SNX24: variants seen among roughly 807,000 people sequenced by gnomAD.
SNX24 encodes sorting nexin 24.
SNX24 carries 22 observed loss-of-function variants against 28.7 expected under a neutral mutation model. That is an observed-to-expected ratio of 0.77 (90% CI 0.55 to 1.10). The LOEUF (loss-of-function observed/expected upper bound fraction) is 1.10. Among genes scored for constraint, SNX24 ranks in the 50% least tolerant of loss-of-function variants. The pLI, the probability that SNX24 is intolerant of heterozygous loss-of-function variation, is 0.00. For synonymous variants in SNX24, 69 were observed against 71.5 expected (o/e 0.96, Z 0.18); for missense variants, 221 against 201.1 (o/e 1.10, Z -0.60).
At chr5:122,872,715 G>GT (rs905562221) in intron 1 of SNX24, among the ~76,000 whole-genome samples, 2 of 151,676 alleles carry the variant, frequency 1.3e-5, no homozygotes, top group East Asian at 1.9e-4. Flanking sequence ...TATACATTCA[G>GT]TTTTTTTTCC....
intron 5 of SNX24, chr5:123,023,748 C>T (rs1313748779): frequency 7.4e-7 from 1 of 1,342,298 alleles, no homozygotes; most frequent in Non-Finnish European, 9.7e-7. Flanking sequence ...TTCCTGTGAT[C>T]TGGGATAGAA....
rs1045917053 is a variant in SNX24, at chr5:122,958,440, G to A, written c.249+12281G>A. The stretch of plus-strand genomic sequence containing the variant: ...GGCTAATTTTTGTATTTTTAGTAGA[G>A]ACGGGGTTTCACCATGTTGGCCAAG... On this transcript the variant is annotated intron_variant, in intron 3 of 6. Coordinates refer to ENST00000261369, the MANE Select transcript of SNX24 (RefSeq NM_014035.4). Among the ~76,000 whole-genome samples, 3 of 152,114 alleles carry A rather than the reference G, an allele frequency of 2.0e-5. No individual in the cohort carries two copies. The East Asian group carries it at 5.8e-4, about 30-fold the overall frequency.
intron 1 of SNX24, among the ~76,000 whole-genome samples, chr5:122,911,448 T>C (rs1365751126): frequency 6.6e-6 from 1 of 152,082 alleles, no homozygotes; most frequent in Non-Finnish European, 1.5e-5. Flanking sequence ...TAGTTTCTTT[T>C]GCTGTGCAGA....
intron 2 of SNX24, 76 bp downstream of exon 2, chr5:122,936,893 G>A (rs1759202797): frequency 1.3e-6 from 1 of 766,452 alleles, no homozygotes; most frequent in Non-Finnish European, 2.2e-6. Flanking sequence ...CCTTTCTGTG[G>A]TTCTAAGACC....
At chr5:122,867,994 G>A (rs112168651) in intron 1 of SNX24, among the ~76,000 whole-genome samples, 2,988 of 152,260 alleles carry the variant, frequency 0.02, 119 homozygotes, top group African/African-American at 0.068. Flanking sequence ...CCACAGGGAG[G>A]ATTTCTCTTC....
chr5:122,921,985 C>T (rs981868148), intron 1 of SNX24, among the ~76,000 whole-genome samples: 1 of 152,058 alleles, frequency 6.6e-6, no homozygotes, highest in Non-Finnish European at 1.5e-5. Flanking sequence ...TCCTTTTTCT[C>T]TCTCTCTCTT....
intron 1 of SNX24, among the ~76,000 whole-genome samples, chr5:122,862,601 CAAA>C (rs1211312668): frequency 1.1e-4 from 6 of 56,032 alleles, no homozygotes; most frequent in South Asian, 5.9e-4. Context: ...GACTCTGTCT[CAAA>C]AAAAAAAAAA....
At chr5:122,997,955 A>G (rs1158498503) in intron 3 of SNX24, among the ~76,000 whole-genome samples, 1 of 152,192 alleles carries the variant, frequency 6.6e-6, no homozygotes, top group Non-Finnish European at 1.5e-5. Context: ...CAATCATTGA[A>G]ACATGTGTCA....
Position 122,943,388 on chromosome 5 carries a change from C to T in SNX24, c.145-2667C>T, listed in dbSNP as rs1396321514. 2.0e-5 allele frequency among the ~76,000 whole-genome samples: 3 copies of T among 152,164 alleles called. No homozygotes were observed. The East Asian group carries it at 5.8e-4, about 29-fold the overall frequency. On this transcript the variant is annotated intron_variant, in intron 2 of 6. Coordinates refer to ENST00000261369, the MANE Select transcript of SNX24 (RefSeq NM_014035.4). ...CTTCCCCACTGCCCTTCTCTCTGTACCCCACGTTACTGACTTCCCATCATC... is the reference window on the plus strand; with the variant it reads ...CTTCCCCACTGCCCTTCTCTCTGTATCCCACGTTACTGACTTCCCATCATC...
intron 1 of SNX24, among the ~76,000 whole-genome samples, chr5:122,919,404 G>C (rs1329108110): frequency 6.6e-6 from 1 of 152,174 alleles, no homozygotes; most frequent in Non-Finnish European, 1.5e-5. Flanking sequence ...AGAATATAAA[G>C]AATTGTGTTA....
chr5:122,846,045 AG>A lies in SNX24; in HGVS notation c.60+353del, dbSNP rs1196450690. Among the ~76,000 whole-genome samples the A allele has an allele frequency of 5.9e-5, 9 of 151,940 alleles. No homozygotes were observed. In the East Asian group the frequency reaches 1.7e-3, roughly 29 times the overall value. On this transcript the variant is annotated intron_variant, in intron 1 of 6. Coordinates refer to ENST00000261369, the MANE Select transcript of SNX24 (RefSeq NM_014035.4). ...CAGCTGCCCCCTCAGTCCAGACAGTAGTAGCTTCGCGGCAGATTCACGCTGG... is the reference window on the plus strand; with the variant it reads ...CAGCTGCCCCCTCAGTCCAGACAGTATAGCTTCGCGGCAGATTCACGCTGG...
intron 3 of SNX24, among the ~76,000 whole-genome samples, chr5:122,966,690 A>G (rs901574658): frequency 1.3e-5 from 2 of 152,220 alleles, no homozygotes; most frequent in Non-Finnish European, 2.9e-5. Flanking sequence ...ACTCTGCCCT[A>G]TAAACTAGGG....
downstream of SNX24, among the ~76,000 whole-genome samples, chr5:123,012,449 G>A (rs2150184816): frequency 6.6e-6 from 1 of 152,280 alleles, no homozygotes; most frequent in Middle Eastern, 3.4e-3. Context: ...GAAGTATCTA[G>A]CGTAGTCAAA....
At position 122,874,538 on chromosome 5, in the gene SNX24, G is replaced by A. The variant is rs539958371; in HGVS notation, c.60+28845G>A. ...TAAATAGGTGGGATTGTTCAAGTAG[G>A]AACATTGATGTGTATCCCTTGAGTG... On this transcript the variant is annotated intron_variant, in intron 1 of 6. Coordinates refer to ENST00000261369, the MANE Select transcript of SNX24 (RefSeq NM_014035.4). Among the ~76,000 whole-genome samples, 5 of 152,298 alleles carry A rather than the reference G, an allele frequency of 3.3e-5. No homozygotes were observed. In the South Asian group the frequency reaches 1.0e-3, roughly 32 times the overall value.
chr5:122,934,062 T>A lies in SNX24; in HGVS notation c.61-2672T>A, dbSNP rs139965666. ...CCCCCATAAAGGCTGACCTCTTGTCTGTCTTGTTCAGTGCTGAATCCCAGA... is the reference window on the plus strand; with the variant it reads ...CCCCCATAAAGGCTGACCTCTTGTCAGTCTTGTTCAGTGCTGAATCCCAGA... On this transcript the variant is annotated intron_variant, in intron 1 of 6. Coordinates refer to ENST00000261369, the MANE Select transcript of SNX24 (RefSeq NM_014035.4). 2.8e-3 allele frequency among the ~76,000 whole-genome samples: 423 copies of A among 152,246 alleles called. 3 individuals carry two copies. Among genetic ancestry groups the A allele is most frequent in the African/African-American group, 9.8e-3 (408 of 41,540 alleles).
At chr5:122,983,682 T>A (rs752832063) in intron 3 of SNX24, among the ~76,000 whole-genome samples, 5 of 152,222 alleles carry the variant, frequency 3.3e-5, no homozygotes, top group Non-Finnish European at 5.9e-5. Context: ...TAGCTCACTG[T>A]AGCCTTGACC....
chr5:122,984,792 G>A (rs914068992), intron 3 of SNX24, among the ~76,000 whole-genome samples: 3 of 152,146 alleles, frequency 2.0e-5, no homozygotes, highest in Non-Finnish European at 4.4e-5. Flanking sequence ...GTCAGGAAAT[G>A]TTTGCAATTT....
chr5:122,924,294 C>T (rs1758575607), intron 1 of SNX24, among the ~76,000 whole-genome samples: 1 of 152,176 alleles, frequency 6.6e-6, no homozygotes, highest in African/African-American at 2.4e-5. Context: ...ATCACTTCTC[C>T]TGTGACTTGG....
At chr5:122,953,980 G>C (rs1472720619) in intron 3 of SNX24, among the ~76,000 whole-genome samples, 1 of 152,132 alleles carries the variant, frequency 6.6e-6, no homozygotes, top group Non-Finnish European at 1.5e-5. Context: ...CTGAGTTACT[G>C]TCTTCACAAG....
Sources: allele counts gnomAD v4.1 joint callset (sites outside exome capture counted in the v4.1 genomes callset), GRCh38; gene constraint gnomAD v4.1.1; transcripts MANE v1.5; gene names NCBI Gene and HGNC (gene_info 2026-07-23, HGNC 2026-07-21).